Variants in INTS6 observed in about 807,000 individuals in gnomAD.
INTS6 encodes the protein DEAD box protein.
INTS6 carries 16 observed loss-of-function variants against 104.9 expected under a neutral mutation model. The ratio of observed to expected loss-of-function variants is 0.15; its 90% confidence interval spans 0.10 to 0.23. The LOEUF is 0.23. Among genes scored for constraint, INTS6 ranks in the 10% least tolerant of loss-of-function variants. The probability of loss-of-function intolerance (pLI) is 1.00; values close to 1 mark genes in which losing one functional copy is unlikely to be tolerated. For missense variants in INTS6, 584 were observed against 1,062.8 expected (o/e 0.55, Z 6.26); for synonymous variants, 324 against 358.7 (o/e 0.90, Z 1.09).
chr13:51,355,023 G>C (rs750034036), intron 3 of INTS6: 1 of 1,236,696 alleles, frequency 8.1e-7, no homozygotes, highest in Non-Finnish European at 1.2e-6. Flanking sequence ...GAAAGTTGAT[G>C]GTTTGTTTTT....
intron 3 of INTS6, among the ~76,000 whole-genome samples, chr13:51,354,525 G>A (rs1955450909): frequency 6.6e-6 from 1 of 151,812 alleles, no homozygotes; most frequent in African/African-American, 2.4e-5. Context: ...GGAAGCTAAG[G>A]CAGGTGGATC....
intron 4 of INTS6, among the ~76,000 whole-genome samples, chr13:51,420,105 G>A (rs897702351): frequency 1.1e-4 from 17 of 152,158 alleles, no homozygotes; most frequent in African/African-American, 4.1e-4. Context: ...AATGTTTGCT[G>A]ACCCCTAGTA....
chr13:51,363,380 C>A lies in INTS6; in HGVS notation c.*2372G>T, dbSNP rs1047920432. ...TAGCCTACATCACACAACACAGTGGCTGCTCTTCTGGTGATGGTTATGGAA... is the reference window on the plus strand; with the variant it reads ...TAGCCTACATCACACAACACAGTGGATGCTCTTCTGGTGATGGTTATGGAA... On this transcript the variant is annotated 3_prime_UTR_variant, in exon 18 of 18. Transcript: ENST00000311234. 11 of 151,964 alleles carry A rather than the reference C, an allele frequency of 7.2e-5. No homozygotes were observed. The highest frequency in any genetic ancestry group is 2.7e-4 in the African/African-American group (11 of 41,418). 9.4% of individuals were successfully genotyped at this position (151,964 alleles called of 1,614,324 possible).
rs879578417 is a variant in INTS6 at position 51,453,001 on chromosome 13, T to C, written c.-476A>G. 1.7e-5 allele frequency: 17 copies of C among 1,007,740 alleles called. No homozygotes were observed. Among genetic ancestry groups the C allele is most frequent in the South Asian group, 7.5e-5 (2 of 26,634 alleles). 62.4% of individuals were successfully genotyped at this position (1,007,740 alleles called of 1,614,324 possible). A position where few individuals can be genotyped will look rare whatever the true frequency, so the allele number is the denominator to read the frequency against. On this transcript the variant is annotated 5_prime_UTR_variant, in exon 1 of 18. Coordinates refer to ENST00000311234, the MANE Select transcript of INTS6 (RefSeq NM_012141.3). Reference sequence around the variant, plus strand: ...AGGGACTCCCTCCGCACCCCGGCGGTGTCACCACTTTCTCAGCCCCTCTCG... The same window carrying C: ...AGGGACTCCCTCCGCACCCCGGCGGCGTCACCACTTTCTCAGCCCCTCTCG...
the INTS6 span, chr13:51,348,393 T>G: frequency 1.2e-6 from 2 of 1,613,592 alleles, no homozygotes; most frequent in Non-Finnish European, 1.7e-6. Flanking sequence ...AGAGCCAGGA[T>G]GGATGTGTTC....
intron 4 of INTS6, among the ~76,000 whole-genome samples, chr13:51,395,792 C>A (rs1956324795): frequency 6.6e-6 from 1 of 152,126 alleles, no homozygotes; most frequent in South Asian, 2.1e-4. Flanking sequence ...ATCATTAAAA[C>A]AACCCTGTGA....
chr13:51,355,168 G>A lies in INTS6; in HGVS notation n.431-832C>T, dbSNP rs4942995. 1.7e-4 allele frequency: 198 copies of A among 1,183,740 alleles called. 2 individuals carry two copies. In the South Asian group the frequency reaches 1.8e-3, roughly 11 times the overall value. The allele number at this position is 1,183,740 out of a possible 1,614,324, so 73.3% of individuals were successfully genotyped here. ...GGTAAAAACGGTTCTTCTTCCAAAC[G>A]TTCTAGCCGTGTATTTGGGGCAGTT... On this transcript the variant is annotated intron_variant and non_coding_transcript_variant, in intron 3 of 3. Coordinates refer to the INTS6 transcript ENST00000476666.
At chr13:51,442,307 CCAGCT>C in intron 3 of INTS6, 1 of 151,146 alleles carries the variant, frequency 6.6e-6, no homozygotes, top group African/African-American at 2.4e-5. Flanking sequence ...GCCACCATGC[CCAGCT>C]AATTTTTGTA....
chr13:51,368,084 G>A (rs1430681032), intron 16 of INTS6, among the ~76,000 whole-genome samples, 186 bp from the exon 17 acceptor site: 1 of 151,998 alleles, frequency 6.6e-6, no homozygotes, highest in East Asian at 1.9e-4. Flanking sequence ...CAGCAACAAA[G>A]ATAAAACAAC....
chr13:51,360,518 TA>T (rs1361793412), downstream of INTS6, among the ~76,000 whole-genome samples: 3 of 152,050 alleles, frequency 2.0e-5, no homozygotes, highest in African/African-American at 7.2e-5. Context: ...TGGAGCTGTT[TA>T]AAAATGGTTA....
At chr13:51,344,461 G>T in the INTS6 span, 1 of 1,596,062 alleles carries the variant, frequency 6.3e-7, no homozygotes. Context: ...CCAGACTAGC[G>T]AAGGGGCCTC....
At position 51,452,583 on chromosome 13, in the gene INTS6, T is replaced by C. The variant is rs1025738056; in HGVS notation, c.-58A>G. On this transcript the variant is annotated 5_prime_UTR_variant, in exon 1 of 18. Transcript: ENST00000311234. This position sits in a 1 kb window ranked among gnomAD's most constrained non-coding sequence, Gnocchi z 4.2. ...GTGGAGAAAGAGGAGATGGTAGAGG[T>C]GGAGGCGCCGGTGGCGGCGACCGCC... is the stretch of plus-strand genomic sequence containing the variant. 2.5e-6 allele frequency: 4 copies of C among 1,578,018 alleles called. No homozygotes were observed. The highest frequency in any genetic ancestry group is 3.4e-6 in the Non-Finnish European group (4 of 1,160,438).
chr13:51,356,439 G>A (rs1190119601), intron 3 of INTS6, among the ~76,000 whole-genome samples: 1 of 152,142 alleles, frequency 6.6e-6, no homozygotes, highest in African/African-American at 2.4e-5. Context: ...GTGTCTTCTT[G>A]CAACTCCAGA....
Position 51,417,616 on chromosome 13 carries a change from G to A in INTS6, c.429+12678C>T, listed in dbSNP as rs140583646. Among the ~76,000 whole-genome samples, 1,306 of 151,776 alleles carry A rather than the reference G, an allele frequency of 8.6e-3. 10 individuals carry two copies. The highest frequency in any genetic ancestry group is 0.027 in the African/African-American group (1,121 of 41,408). ...ATTACAAGCGCATGCCACCACACCC[G>A]GCTAATTTTTTGTATTTTTTAATAG... On this transcript the variant is annotated intron_variant, in intron 4 of 17. Coordinates refer to ENST00000311234, the MANE Select transcript of INTS6 (RefSeq NM_012141.3).
At chr13:51,397,732 T>C (rs1359672849) in intron 4 of INTS6, among the ~76,000 whole-genome samples, 1 of 152,228 alleles carries the variant, frequency 6.6e-6, no homozygotes. Flanking sequence ...AAGTTTCAAC[T>C]GTTAATGCAG....
intron 7 of INTS6, chr13:51,384,751 C>A: frequency 2.2e-6 from 1 of 454,666 alleles, no homozygotes; most frequent in Admixed American, 2.4e-5. Flanking sequence ...TACCAGAACA[C>A]ATAAACATGG....
intron 7 of INTS6, chr13:51,384,619 T>TCC: frequency 2.2e-6 from 1 of 456,606 alleles, no homozygotes; most frequent in Non-Finnish European, 4.4e-6. Context: ...TTGTTTCTTC[T>TCC]CCCCCAAGCT....
At position 51,452,251 on chromosome 13, in the gene INTS6, C is replaced by G; in HGVS notation, c.111+164G>C. 2 of 757,636 alleles carry G rather than the reference C, an allele frequency of 2.6e-6. No individual in the cohort carries two copies. Among genetic ancestry groups the G allele is most frequent in the Non-Finnish European group, 3.5e-6 (2 of 574,606 alleles). 46.9% of individuals were successfully genotyped at this position (757,636 alleles called of 1,614,324 possible). On this transcript the variant is annotated intron_variant, in intron 1 of 17. Transcript: ENST00000311234. This position sits in a 1 kb window ranked among gnomAD's most constrained non-coding sequence, Gnocchi z 4.2. Reference sequence around the variant, plus strand: ...GCCGGAGCCCGGGCCCCGGCCGAACCCGGCTCGCAGCGCCCGCCCGCCCGC... The same window carrying G: ...GCCGGAGCCCGGGCCCCGGCCGAACGCGGCTCGCAGCGCCCGCCCGCCCGC...
chr13:51,384,766 T>C (rs748615132), intron 7 of INTS6: 52 of 447,860 alleles, frequency 1.2e-4, no homozygotes, highest in Admixed American at 1.7e-4. Flanking sequence ...ACATGGTAGG[T>C]AGTCATTACT....
Sources: gnomAD v4.1 joint callset for allele counts (sites outside exome capture counted in the v4.1 genomes callset) on GRCh38, gnomAD v4.1.1 for gene constraint, Gnocchi (gnomAD v3.1) non-coding constraint, MANE v1.5 for transcripts, NCBI Gene and HGNC (gene_info 2026-07-23, HGNC 2026-07-21) for gene names.